TRIM63: variants seen among roughly 807,000 people sequenced by gnomAD.
TRIM63 encodes the protein tripartite motif containing 63.
In TRIM63, 48 loss-of-function variants were observed where a neutral mutation model predicts 46.0. The observed-to-expected ratio is 1.04, with a 90% CI of 0.83 to 1.33. TRIM63 has a LOEUF of 1.33. TRIM63 is among the 40% of genes most tolerant of loss of function. The probability of loss-of-function intolerance (pLI) is 0.00; values close to 1 mark genes in which losing one functional copy is unlikely to be tolerated. For synonymous variants in TRIM63, 175 were observed against 162.8 expected (o/e 1.08, Z -0.57); for missense variants, 455 against 441.2 (o/e 1.03, Z -0.28).
intron 2 of TRIM63, among the ~76,000 whole-genome samples, chr1:26,064,339 G>A (rs1053873467): frequency 6.6e-6 from 1 of 152,094 alleles, no homozygotes; most frequent in African/African-American, 2.4e-5. Flanking sequence ...GCTGAGGCTG[G>A]GGAATCACTT....
At chr1:26,062,270 C>CAA (rs61219158) in intron 2 of TRIM63, among the ~76,000 whole-genome samples, 13 of 94,444 alleles carry the variant, frequency 1.4e-4, no homozygotes, top group East Asian at 7.4e-4. Flanking sequence ...AACTCCGTCT[C>CAA]AAAAAAAAAA....
At chr1:26,054,600 G>A (rs1321420935) in intron 7 of TRIM63, among the ~76,000 whole-genome samples, 5 of 152,016 alleles carry the variant, frequency 3.3e-5, no homozygotes, top group Admixed American at 2.6e-4. Flanking sequence ...TCCCTTCCCC[G>A]CTCCTCTCCC....
intron 8 of TRIM63, among the ~76,000 whole-genome samples, chr1:26,052,176 C>T (rs1449397368): frequency 2.0e-5 from 3 of 152,162 alleles, no homozygotes; most frequent in East Asian, 3.8e-4. Context: ...AATTAGCAAA[C>T]GTCCTTCCTA....
intron 7 of TRIM63, among the ~76,000 whole-genome samples, chr1:26,056,963 A>G (rs551055211): frequency 6.6e-6 from 1 of 152,244 alleles, no homozygotes; most frequent in African/African-American, 2.4e-5. Context: ...AGGTTTCACC[A>G]CGTTGGTCAG....
chr1:26,061,084 A>G (rs2050621218), intron 3 of TRIM63, 82 bp downstream of exon 3: 3 of 1,459,196 alleles, frequency 2.1e-6, no homozygotes, highest in African/African-American at 1.4e-5. Context: ...CAGCAGATCT[A>G]CAGGGATCAA....
At chr1:26,063,331 T>G (rs1242657560) in intron 2 of TRIM63, among the ~76,000 whole-genome samples, 1 of 152,194 alleles carries the variant, frequency 6.6e-6, no homozygotes, top group Non-Finnish European at 1.5e-5. Flanking sequence ...ACAGGCATCT[T>G]GCAAATGTCA....
At chr1:26,064,549 A>G (rs555954521) in intron 2 of TRIM63, among the ~76,000 whole-genome samples, 2 of 152,130 alleles carry the variant, frequency 1.3e-5, no homozygotes, top group East Asian at 1.9e-4. Context: ...CCATTTCCTC[A>G]TGGTAAAATG....
chr1:26,063,964 T>C (rs1187771833), intron 2 of TRIM63, among the ~76,000 whole-genome samples: 1 of 152,228 alleles, frequency 6.6e-6, no homozygotes, highest in Non-Finnish European at 1.5e-5. Context: ...TGTTGTGCTC[T>C]AGCAACATGA....
chr1:26,066,677 A>C (rs1219525164), intron 1 of TRIM63, among the ~76,000 whole-genome samples: 1 of 152,142 alleles, frequency 6.6e-6, no homozygotes. Flanking sequence ...TTATTCTCTG[A>C]GTGATTTTGG....
Position 26,055,597 on chromosome 1 carries a change from TC to T in TRIM63, c.979+1605del, listed in dbSNP as rs1266130599. Reference sequence around the variant, plus strand: ...GTGATCACAGCTCACTGCAACCTCCTCCTCCCGGATTCAAGCAATTCTGCTG... The same window carrying T: ...GTGATCACAGCTCACTGCAACCTCCTCTCCCGGATTCAAGCAATTCTGCTG... On this transcript the variant is annotated intron_variant, in intron 7 of 8. Transcript: ENST00000374272. 9.3e-5 allele frequency among the ~76,000 whole-genome samples: 14 copies of T among 150,130 alleles called. No homozygotes were observed. The East Asian group carries it at 2.4e-3, about 25-fold the overall frequency.
At chr1:26,055,188 G>A (rs1355025216) in intron 7 of TRIM63, among the ~76,000 whole-genome samples, 2 of 152,152 alleles carry the variant, frequency 1.3e-5, no homozygotes, top group African/African-American at 4.8e-5. Flanking sequence ...CAAGCCAAAT[G>A]GCCCTCAGTA....
At chr1:26,053,331 C>T (rs754680112) in intron 8 of TRIM63, among the ~76,000 whole-genome samples, 1 of 152,174 alleles carries the variant, frequency 6.6e-6, no homozygotes, top group Non-Finnish European at 1.5e-5. Context: ...CGGCTCACTG[C>T]AACCTCCACC....
intron 1 of TRIM63, among the ~76,000 whole-genome samples, chr1:26,066,870 G>A (rs2050683293): frequency 6.6e-6 from 1 of 151,816 alleles, no homozygotes; most frequent in Admixed American, 6.6e-5. Context: ...CCTTTCTCGG[G>A]GAGTTGGAGC....
At chr1:26,055,749 G>T (rs1265570390) in intron 7 of TRIM63, among the ~76,000 whole-genome samples, 2 of 152,074 alleles carry the variant, frequency 1.3e-5, no homozygotes, top group African/African-American at 4.8e-5. Context: ...GACCTCAGGT[G>T]ATCCACCTGC....
chr1:26,057,484 A>C (rs139856314), intron 6 of TRIM63, 144 bp downstream of exon 6: 1 of 1,392,798 alleles, frequency 7.2e-7, no homozygotes, highest in African/African-American at 1.4e-5. Context: ...GGAGTGGTCC[A>C]AAAAGTCAGG....
At chr1:26,062,872 C>A (rs2050639737) in intron 2 of TRIM63, among the ~76,000 whole-genome samples, 1 of 152,106 alleles carries the variant, frequency 6.6e-6, no homozygotes, top group Non-Finnish European at 1.5e-5. Flanking sequence ...TCTGATGCCT[C>A]AGCCTCCTGA....
At chr1:26,065,245 A>G (rs1306924146) in intron 2 of TRIM63, among the ~76,000 whole-genome samples, 1 of 151,570 alleles carries the variant, frequency 6.6e-6, no homozygotes, top group Non-Finnish European at 1.5e-5. Context: ...TCTGGTCTCC[A>G]ACTCCTGACC....
chr1:26,058,739 A>C, intron 4 of TRIM63, 116 bp from the exon 5 acceptor site: 1 of 768,326 alleles, frequency 1.3e-6, no homozygotes, highest in Non-Finnish European at 2.2e-6. Context: ...CACTACATAC[A>C]TCCCCACACT....
intron 8 of TRIM63, among the ~76,000 whole-genome samples, chr1:26,053,181 C>T (rs1003361734): frequency 3.3e-5 from 5 of 152,074 alleles, no homozygotes; most frequent in African/African-American, 1.2e-4. Flanking sequence ...AGGTCTCAAG[C>T]AATCCTCCCG....
Sources: allele counts gnomAD v4.1 joint callset (sites outside exome capture counted in the v4.1 genomes callset), GRCh38; gene constraint gnomAD v4.1.1; transcripts MANE v1.5; gene names NCBI Gene and HGNC (gene_info 2026-07-23, HGNC 2026-07-21).